PDZD2: variants seen among roughly 807,000 people sequenced by gnomAD.
PDZD2 encodes PDZ domain-containing protein 2.
PDZD2 carries 90 observed loss-of-function variants against 220.7 expected under a neutral mutation model. That is an observed-to-expected ratio of 0.41 (90% CI 0.34 to 0.49). The LOEUF is 0.49. Among genes scored for constraint, PDZD2 ranks in the 20% least tolerant of loss-of-function variants. The pLI is 0.28. For synonymous variants in PDZD2, 1,375 were observed against 1,450.5 expected (o/e 0.95, Z 1.18); for missense variants, 3,174 against 3,608.5 (o/e 0.88, Z 3.08).
chr5:31,947,607 G>T (rs1746759228), intron 2 of PDZD2, among the ~76,000 whole-genome samples: 2 of 152,218 alleles, frequency 1.3e-5, no homozygotes, highest in Non-Finnish European at 1.5e-5. Context: ...AGCTGAAGCA[G>T]TTAGATTGCT....
rs191765267 is a variant in PDZD2 at position 31,859,618 on chromosome 5, T to C, written c.476+59894T>C. Among the ~76,000 whole-genome samples the C allele has an allele frequency of 8.5e-5, 13 of 152,316 alleles. No individual in the cohort carries two copies. The East Asian group carries it at 1.9e-3, about 23-fold the overall frequency. ...GCATTTCTCTACTCCCTGCACTCTT[T>C]GTTTCCTCTGATTGCTAGTTTTTTG... On this transcript the variant is annotated intron_variant, in intron 2 of 24. Transcript: ENST00000438447.
At chr5:31,867,406 TA>T (rs1738324578) in intron 2 of PDZD2, among the ~76,000 whole-genome samples, 1 of 152,118 alleles carries the variant, frequency 6.6e-6, no homozygotes, top group South Asian at 2.1e-4. Flanking sequence ...GTGAGTTAGT[TA>T]AAAGTTGTGT....
At chr5:32,019,610 C>T (rs1227579788) in intron 6 of PDZD2, among the ~76,000 whole-genome samples, 1 of 152,160 alleles carries the variant, frequency 6.6e-6, no homozygotes, top group Admixed American at 6.5e-5. Context: ...TTTATGTCTA[C>T]GTTAGGCGTG....
At chr5:31,937,718 C>T (rs917138640) in intron 2 of PDZD2, among the ~76,000 whole-genome samples, 1 of 152,244 alleles carries the variant, frequency 6.6e-6, no homozygotes, top group Non-Finnish European at 1.5e-5. Flanking sequence ...ACCCCATGTT[C>T]CTACCGTCGC....
intron 1 of PDZD2, among the ~76,000 whole-genome samples, chr5:31,744,764 T>C (rs1750485838): frequency 6.6e-6 from 1 of 152,200 alleles, no homozygotes. Flanking sequence ...GAATTTTCCC[T>C]CTGCTAGGAT....
chr5:32,085,977 C>T (rs1581456173), intron 19 of PDZD2, among the ~76,000 whole-genome samples: 1 of 151,930 alleles, frequency 6.6e-6, no homozygotes, highest in Non-Finnish European at 1.5e-5. Flanking sequence ...TCTTCCTTAC[C>T]TTCCTCCTCC....
chr5:31,960,288 C>T (rs1748095673), intron 2 of PDZD2, among the ~76,000 whole-genome samples: 1 of 151,970 alleles, frequency 6.6e-6, no homozygotes, highest in Non-Finnish European at 1.5e-5. Flanking sequence ...GCGATCTCGG[C>T]TCACCACAAC....
At chr5:32,081,342 G>T (rs2112438288) in intron 19 of PDZD2, among the ~76,000 whole-genome samples, 1 of 152,274 alleles carries the variant, frequency 6.6e-6, no homozygotes, top group East Asian at 1.9e-4. Flanking sequence ...AGCCAGGAAT[G>T]CTAGACCAGG....
chr5:31,895,568 T>C (rs975359587), intron 2 of PDZD2, among the ~76,000 whole-genome samples: 1 of 152,206 alleles, frequency 6.6e-6, no homozygotes, highest in Non-Finnish European at 1.5e-5. Context: ...GATACCAAGA[T>C]ACTTTTAGCT....
intron 3 of PDZD2, among the ~76,000 whole-genome samples, chr5:31,990,799 A>C (rs1395659934): frequency 6.6e-6 from 1 of 152,234 alleles, no homozygotes. Flanking sequence ...AAATCCACAA[A>C]TCACAGTGTC....
chr5:32,039,865 T>G (rs10040176), intron 7 of PDZD2, among the ~76,000 whole-genome samples: 33 of 112,862 alleles, frequency 2.9e-4, no homozygotes, highest in African/African-American at 1.0e-3. Context: ...TCTGCCCGGC[T>G]GCCCCATCTG....
chr5:31,925,547 C>T (rs896401937), intron 2 of PDZD2, among the ~76,000 whole-genome samples: 11 of 152,018 alleles, frequency 7.2e-5, no homozygotes, highest in African/African-American at 2.2e-4. Context: ...TGGACATCGG[C>T]CTTGGAAAAG....
chr5:31,701,042 G>T (rs146133969), intron 1 of PDZD2, among the ~76,000 whole-genome samples: 124 of 152,314 alleles, frequency 8.1e-4, no homozygotes, highest in African/African-American at 2.8e-3. Context: ...TGCTTCCAGT[G>T]CTGGAGCCAC....
At chr5:31,763,605 G>A (rs2150189537) in intron 1 of PDZD2, among the ~76,000 whole-genome samples, 1 of 152,240 alleles carries the variant, frequency 6.6e-6, no homozygotes, top group South Asian at 2.1e-4. Flanking sequence ...GAGACTGAGA[G>A]GTTGTGACGT....
At chr5:32,067,769 CATGA>C (rs1329444318) in intron 14 of PDZD2, among the ~76,000 whole-genome samples, 1 of 151,932 alleles carries the variant, frequency 6.6e-6, no homozygotes, top group Non-Finnish European at 1.5e-5. Context: ...AAAATCTTCC[CATGA>C]ATAATGACAG....
chr5:31,669,114 C>T (rs1441643746), intron 1 of PDZD2, among the ~76,000 whole-genome samples: 1 of 152,146 alleles, frequency 6.6e-6, no homozygotes, highest in Non-Finnish European at 1.5e-5. Context: ...CCTCTCTTAA[C>T]AAATAATTAT....
intron 1 of PDZD2, among the ~76,000 whole-genome samples, chr5:31,710,877 T>C (rs929703629): frequency 1.3e-5 from 2 of 150,804 alleles, no homozygotes; most frequent in African/African-American, 4.9e-5. Context: ...GTTATGGGAA[T>C]TAAAGGTGAT....
chr5:31,921,375 A>G lies in PDZD2; in HGVS notation c.477-61780A>G, dbSNP rs559308374. ...GTGAACTATGCTCAAATGGTTGTAC[A>G]GGTAAAAAAAAACTTGAAGCTCTTA... On this transcript the variant is annotated intron_variant, in intron 2 of 24. Transcript: ENST00000438447. 7.2e-5 allele frequency among the ~76,000 whole-genome samples: 9 copies of G among 124,646 alleles called. No homozygotes were observed. In the South Asian group the frequency reaches 2.1e-3, roughly 29 times the overall value. The allele number at this position is 124,646 out of a possible 152,430, so 81.8% of individuals were successfully genotyped here.
At chr5:32,091,279 CTTTTTTT>C (rs57254389) in intron 20 of PDZD2, 104 bp downstream of exon 20, 27 of 261,922 alleles carry the variant, frequency 1.0e-4, no homozygotes, top group East Asian at 1.4e-4. Flanking sequence ...TTCCCACTTA[CTTTTTTT>C]TTTTTTTTTT....
Sources: gnomAD v4.1 joint callset for allele counts (sites outside exome capture counted in the v4.1 genomes callset) on GRCh38, gnomAD v4.1.1 for gene constraint, MANE v1.5 for transcripts, NCBI Gene and HGNC (gene_info 2026-07-23, HGNC 2026-07-21) for gene names.